Variants in NTM observed in about 807,000 individuals in gnomAD.
The protein encoded by NTM is IgLON family member 2.
Under a neutral mutation model 42.1 loss-of-function variants are expected in NTM, and 13 were observed. That is an observed-to-expected ratio of 0.31 (90% CI 0.20 to 0.49). NTM has a LOEUF of 0.49. Among genes scored for constraint, NTM ranks in the 20% least tolerant of loss-of-function variants. The pLI, the probability that NTM is intolerant of heterozygous loss-of-function variation, is 0.99. For synonymous variants in NTM, 187 were observed against 179.2 expected (o/e 1.04, Z -0.35); for missense variants, 373 against 452.8 (o/e 0.82, Z 1.60).
At chr11:131,729,370 G>A (rs1010296735) in intron 1 of NTM, among the ~76,000 whole-genome samples, 7 of 152,160 alleles carry the variant, frequency 4.6e-5, no homozygotes, top group Non-Finnish European at 4.4e-5. Flanking sequence ...ATGGGATGTC[G>A]AAAACAAGAG....
chr11:131,568,227 T>C (rs990630655), intron 1 of NTM, among the ~76,000 whole-genome samples: 1 of 152,176 alleles, frequency 6.6e-6, no homozygotes, highest in African/African-American at 2.4e-5. Context: ...GTGGCCAGCA[T>C]CTCTAGGGCA....
chr11:131,401,816 A>ATATATATATATATATG (rs1565465266), intron 1 of NTM, among the ~76,000 whole-genome samples: 3 of 33,266 alleles, frequency 9.0e-5, no homozygotes, highest in Non-Finnish European at 1.7e-4. Context: ...ATATATATAT[A>ATATATATATATATATG]TATATATATA....
At chr11:131,601,252 C>A (rs1423105194) in intron 1 of NTM, among the ~76,000 whole-genome samples, 1 of 152,154 alleles carries the variant, frequency 6.6e-6, no homozygotes, top group East Asian at 1.9e-4. Flanking sequence ...GTCACCCCAG[C>A]AGGTGGTGTA....
chr11:131,401,756 A>ACC (rs1196495944), intron 1 of NTM, among the ~76,000 whole-genome samples: 7 of 124,398 alleles, frequency 5.6e-5, no homozygotes, highest in African/African-American at 1.8e-4. Context: ...CTTCTTCATT[A>ACC]CCCCATAATT....
intron 1 of NTM, among the ~76,000 whole-genome samples, chr11:131,380,038 G>C (rs976750170): frequency 6.6e-6 from 1 of 152,112 alleles, no homozygotes; most frequent in Non-Finnish European, 1.5e-5. Flanking sequence ...CTCCTAAACT[G>C]AGGCACTCCC....
intron 1 of NTM, among the ~76,000 whole-genome samples, chr11:131,516,521 G>T (rs58325469): frequency 6.6e-6 from 1 of 152,288 alleles, no homozygotes; most frequent in Non-Finnish European, 1.5e-5. Flanking sequence ...GGGAATACAG[G>T]CACGTACCAC....
intron 1 of NTM, among the ~76,000 whole-genome samples, chr11:131,432,941 G>A (rs551415319): frequency 1.1e-4 from 15 of 141,330 alleles, no homozygotes; most frequent in African/African-American, 3.7e-4. Context: ...TGCAAGCTCC[G>A]CCTCCCTGGT....
intron 2 of NTM, among the ~76,000 whole-genome samples, chr11:132,089,685 G>A (rs1329104497): frequency 6.6e-6 from 1 of 152,000 alleles, no homozygotes; most frequent in Non-Finnish European, 1.5e-5. Flanking sequence ...TTTCTTTAGG[G>A]CATTGTTCTC....
In NTM at chr11:132,079,879, A is replaced by G. The variant is rs992745316; in HGVS notation, c.168-66403A>G. Among the ~76,000 whole-genome samples the G allele has an allele frequency of 5.3e-5, 8 of 152,208 alleles. No individual in the cohort carries two copies. In the South Asian group the frequency reaches 6.2e-4, roughly 12 times the overall value. The stretch of plus-strand genomic sequence containing the variant: ...TCATCTGGAGTTAATATCACCTAAT[A>G]TAAGTTTTCCTTTGCTTGAACTGTT... On this transcript the variant is annotated intron_variant, in intron 2 of 8. Transcript: ENST00000683400.
chr11:131,509,593 G>A (rs4936136), intron 1 of NTM, among the ~76,000 whole-genome samples: 45,145 of 152,058 alleles, frequency 0.3, 7,201 homozygotes, highest in African/African-American at 0.41. Flanking sequence ...CCCAGTTCTA[G>A]TTTTTGAGGA....
chr11:132,326,675 G>T (rs188915009), intron 7 of NTM, among the ~76,000 whole-genome samples: 1 of 152,170 alleles, frequency 6.6e-6, no homozygotes, highest in Non-Finnish European at 1.5e-5. Context: ...TATCTAAAAC[G>T]TTATGACAGT....
At chr11:131,783,752 A>G (rs2088611759) in intron 1 of NTM, among the ~76,000 whole-genome samples, 1 of 152,196 alleles carries the variant, frequency 6.6e-6, no homozygotes, top group African/African-American at 2.4e-5. Flanking sequence ...GACCGAAGGC[A>G]AAAAGGACAA....
intron 1 of NTM, among the ~76,000 whole-genome samples, chr11:131,773,739 A>G (rs2086519193): frequency 6.6e-6 from 1 of 152,220 alleles, no homozygotes. Context: ...CTAGCCATCT[A>G]AAGTCACATA....
intron 1 of NTM, among the ~76,000 whole-genome samples, chr11:131,562,757 G>T (rs376371747): frequency 6.6e-6 from 1 of 152,262 alleles, no homozygotes; most frequent in East Asian, 1.9e-4. Context: ...TTTCTTTCTG[G>T]AACATTTTGT....
intron 3 of NTM, among the ~76,000 whole-genome samples, chr11:132,183,712 A>G (rs2077954389): frequency 6.6e-6 from 1 of 152,180 alleles, no homozygotes; most frequent in Non-Finnish European, 1.5e-5. Context: ...CACCAACTCC[A>G]AAAAGTAAAG....
chr11:131,898,960 A>G (rs2052712416), intron 1 of NTM, among the ~76,000 whole-genome samples: 1 of 152,178 alleles, frequency 6.6e-6, no homozygotes, highest in African/African-American at 2.4e-5. Flanking sequence ...ACTAGAGCGA[A>G]AAATGAAAAA....
chr11:131,857,686 T>C (rs768658264), intron 1 of NTM, among the ~76,000 whole-genome samples: 6 of 152,186 alleles, frequency 3.9e-5, no homozygotes, highest in Non-Finnish European at 7.4e-5. Flanking sequence ...CCTCACTAAA[T>C]GACACCGCAG....
At chr11:131,516,840 G>A (rs1435484844) in intron 1 of NTM, among the ~76,000 whole-genome samples, 1 of 152,174 alleles carries the variant, frequency 6.6e-6, no homozygotes. Flanking sequence ...CTCATCCTTA[G>A]TGGTAACGAA....
At chr11:132,287,904 T>C (rs1378920122) in intron 4 of NTM, among the ~76,000 whole-genome samples, 1 of 152,236 alleles carries the variant, frequency 6.6e-6, no homozygotes, top group Non-Finnish European at 1.5e-5. Flanking sequence ...GGTGTATATG[T>C]GTCTATTTTG....
Sources: gnomAD v4.1 joint callset for allele counts (sites outside exome capture counted in the v4.1 genomes callset) on GRCh38, gnomAD v4.1.1 for gene constraint, MANE v1.5 for transcripts, NCBI Gene and HGNC (gene_info 2026-07-23, HGNC 2026-07-21) for gene names.